ADK: variants seen among roughly 807,000 people sequenced by gnomAD.
The protein encoded by ADK is adenosine kinase.
A neutral mutation model predicts 44.7 loss-of-function variants in ADK; 24 were observed. The observed-to-expected ratio is 0.54, with a 90% CI of 0.39 to 0.76. The LOEUF is 0.76. Ranked by LOEUF, ADK falls within the 30% of genes least tolerant of loss-of-function variation. The probability of loss-of-function intolerance (pLI) is 0.00; values close to 1 mark genes in which losing one functional copy is unlikely to be tolerated. For synonymous variants in ADK, 128 were observed against 142.6 expected (o/e 0.90, Z 0.73); for missense variants, 321 against 425.1 (o/e 0.76, Z 2.15).
intron 3 of ADK, among the ~76,000 whole-genome samples, chr10:74,300,362 T>TTCCTTCCTTCCTTCCTTC (rs1564641103): frequency 3.5e-5 from 2 of 57,410 alleles, no homozygotes; most frequent in Non-Finnish European, 9.1e-5. Context: ...TTCCTTCCTT[T>TTCCTTCCTTCCTTCCTTC]CTTTCTTTCT....
chr10:74,594,117 G>A (rs953861684), intron 8 of ADK, among the ~76,000 whole-genome samples: 14 of 146,242 alleles, frequency 9.6e-5, no homozygotes, highest in Non-Finnish European at 1.5e-5. Context: ...GTTCTCACTC[G>A]TAAGTGGGAA....
chr10:74,158,729 T>C (rs1308318664), intron 1 of ADK, among the ~76,000 whole-genome samples: 1 of 152,230 alleles, frequency 6.6e-6, no homozygotes, highest in Non-Finnish European at 1.5e-5. Flanking sequence ...AAAAGTTGGC[T>C]ACTGTGCAGG....
chr10:74,478,776 T>A (rs199574275), intron 6 of ADK, among the ~76,000 whole-genome samples: 1 of 152,212 alleles, frequency 6.6e-6, no homozygotes, highest in African/African-American at 2.4e-5. Flanking sequence ...TAATACACAT[T>A]TATTGAATTA....
chr10:74,594,523 A>G (rs1851829410), intron 8 of ADK, among the ~76,000 whole-genome samples: 1 of 152,196 alleles, frequency 6.6e-6, no homozygotes, highest in African/African-American at 2.4e-5. Flanking sequence ...CAAATGGCAG[A>G]TATTAATTCA....
intron 2 of ADK, among the ~76,000 whole-genome samples, chr10:74,201,672 GTATGTATCTATCTATCTATCTATCTATC>G (rs1398729359): frequency 5.6e-4 from 76 of 134,678 alleles, no homozygotes; most frequent in African/African-American, 2.1e-3. Context: ...ATGTATGTAT[GTATGTATCTATCTATCTATCTATCTATC>G]TATCTATCTA....
chr10:74,274,564 TAAAA>T (rs1564628265), intron 3 of ADK, among the ~76,000 whole-genome samples: 1 of 149,244 alleles, frequency 6.7e-6, no homozygotes, highest in Admixed American at 6.7e-5. Context: ...GACTCTGTCT[TAAAA>T]AAAAAGTCAT....
At chr10:74,573,173 G>A (rs1444552294) in intron 7 of ADK, among the ~76,000 whole-genome samples, 2 of 151,934 alleles carry the variant, frequency 1.3e-5, no homozygotes, top group Non-Finnish European at 2.9e-5. Context: ...ATGTACAGAC[G>A]GGTTTTTGGT....
intron 1 of ADK, among the ~76,000 whole-genome samples, chr10:74,200,003 A>G (rs1843314321): frequency 6.6e-6 from 1 of 151,850 alleles, no homozygotes; most frequent in South Asian, 2.1e-4. Flanking sequence ...TTCTTTGGGT[A>G]TATACCCATA....
At chr10:74,205,740 C>T (rs181676008) in intron 2 of ADK, among the ~76,000 whole-genome samples, 183 of 137,616 alleles carry the variant, frequency 1.3e-3, no homozygotes, top group Non-Finnish European at 2.4e-3. Context: ...ACTAACATAA[C>T]AGTCTAAGAA....
chr10:74,238,856 C>T (rs79312288), intron 3 of ADK, among the ~76,000 whole-genome samples: 11 of 88,186 alleles, frequency 1.2e-4, no homozygotes, highest in South Asian at 4.4e-4. Context: ...TTAGCTAGTG[C>T]TTTTTTTTTT....
chr10:74,593,974 T>TG (rs1851807792), intron 8 of ADK, among the ~76,000 whole-genome samples: 1 of 152,200 alleles, frequency 6.6e-6, no homozygotes, highest in South Asian at 2.1e-4. Flanking sequence ...GTAATGGTAT[T>TG]GCTGGGTCAA....
chr10:74,695,622 G>GT (rs1491064494), intron 10 of ADK, among the ~76,000 whole-genome samples: 1 of 39,828 alleles, frequency 2.5e-5, no homozygotes, highest in East Asian at 2.7e-4. Flanking sequence ...TGTGTGGGGT[G>GT]TGTGTGTGTG....
Position 74,701,871 on chromosome 10 carries a change from G to A in ADK, c.965-6450G>A, listed in dbSNP as rs901130382. Among the ~76,000 whole-genome samples, 4 of 152,170 alleles carry A rather than the reference G, an allele frequency of 2.6e-5. No individual in the cohort carries two copies. In the South Asian group the frequency reaches 8.3e-4, roughly 32 times the overall value. On this transcript the variant is annotated intron_variant, in intron 10 of 10. Transcript: ENST00000539909. ...AGGCAGGAGAGTCACTTGAACTGGGGAGGTGGAGGTTGCAGTGAGCTGAGA... is the reference window on the plus strand; with the variant it reads ...AGGCAGGAGAGTCACTTGAACTGGGAAGGTGGAGGTTGCAGTGAGCTGAGA...
chr10:74,592,138 A>G (rs1393191295), intron 8 of ADK, among the ~76,000 whole-genome samples: 3 of 152,198 alleles, frequency 2.0e-5, no homozygotes. Context: ...GGCAGAACAC[A>G]AAGCATAAGA....
At chr10:74,452,323 T>G (rs1304491239) in intron 6 of ADK, among the ~76,000 whole-genome samples, 2 of 152,012 alleles carry the variant, frequency 1.3e-5, no homozygotes, top group Non-Finnish European at 2.9e-5. Flanking sequence ...GAATGAGGCT[T>G]TGTGGTGCTG....
chr10:74,681,955 T>TTTTTG (rs983441073), intron 10 of ADK, among the ~76,000 whole-genome samples: 2 of 152,166 alleles, frequency 1.3e-5, no homozygotes, highest in Non-Finnish European at 2.9e-5. Context: ...AAGGAGGGGT[T>TTTTTG]TTTTGTTTTG....
intron 6 of ADK, among the ~76,000 whole-genome samples, chr10:74,449,884 T>A (rs1170113955): frequency 6.6e-6 from 1 of 152,230 alleles, no homozygotes; most frequent in Non-Finnish European, 1.5e-5. Flanking sequence ...CAACAATGGT[T>A]TGTTGTTTAG....
intron 1 of ADK, among the ~76,000 whole-genome samples, chr10:74,195,684 CTTTCTTTCTTTTTCT>C (rs1294803102): frequency 2.3e-4 from 31 of 136,312 alleles, no homozygotes; most frequent in African/African-American, 8.4e-4. Context: ...TTCTTTCTTT[CTTTCTTTCTTTTTCT>C]TTTCTTTCTT....
At chr10:74,354,501 G>A (rs1485324413) in intron 4 of ADK, among the ~76,000 whole-genome samples, 1 of 152,062 alleles carries the variant, frequency 6.6e-6, no homozygotes, top group African/African-American at 2.4e-5. Context: ...TACCAGCTTT[G>A]GAATACTGCT....
Sources: allele counts gnomAD v4.1 joint callset (sites outside exome capture counted in the v4.1 genomes callset), GRCh38; gene constraint gnomAD v4.1.1; transcripts MANE v1.5; gene names NCBI Gene and HGNC (gene_info 2026-07-23, HGNC 2026-07-21).